SCN11A: variants seen among roughly 807,000 people sequenced by gnomAD.
The protein encoded by SCN11A is sodium voltage-gated channel alpha subunit 11, also known as sodium channel protein type 11 subunit alpha.
In SCN11A, 122 loss-of-function variants were observed where a neutral mutation model predicts 162.2. That is an observed-to-expected ratio of 0.75 (90% CI 0.65 to 0.87). SCN11A has a LOEUF of 0.87. Among genes scored for constraint, SCN11A ranks in the 40% least tolerant of loss-of-function variants. The pLI is 0.00. For synonymous variants in SCN11A, 758 were observed against 751.5 expected, an observed-to-expected ratio of 1.01 and a Z score of -0.14; for missense variants, 2,015 against 2,181.6, an observed-to-expected ratio of 0.92 and a Z score of 1.52.
Position 38,850,466 on chromosome 3 carries a change from G to C in SCN11A, c.4327+15C>G. 5.0e-6 allele frequency: 8 copies of C among 1,605,254 alleles called. No individual in the cohort carries two copies. The highest frequency in any genetic ancestry group is 6.8e-6 in the Non-Finnish European group (8 of 1,174,188). The stretch of plus-strand genomic sequence containing the variant: ...TCTGGTTCTTAAAGTCCCTCTGACT[G>C]CTGATTTTACTTACTAACAATGGAA... On this transcript the variant is annotated intron_variant, in intron 29 of 29. Coordinates refer to ENST00000302328, the MANE Select transcript of SCN11A (RefSeq NM_001349253.2).
At chr3:38,980,818 A>G (rs983703283) in intron 2 of SCN11A, among the ~76,000 whole-genome samples, 1 of 152,200 alleles carries the variant, frequency 6.6e-6, no homozygotes, top group Non-Finnish European at 1.5e-5. Context: ...CTTTTCCCCA[A>G]CATCATGCTA....
chr3:38,974,624 G>A (rs1410128968), intron 2 of SCN11A, among the ~76,000 whole-genome samples: 1 of 150,062 alleles, frequency 6.7e-6, no homozygotes, highest in Non-Finnish European at 1.5e-5. Flanking sequence ...GAACCTGGGA[G>A]GCGGAGGTTG....
intron 16 of SCN11A, among the ~76,000 whole-genome samples, chr3:38,901,137 C>A (rs543756821): frequency 2.2e-4 from 33 of 151,708 alleles, no homozygotes; most frequent in Non-Finnish European, 3.8e-4. Context: ...CGACTAAATT[C>A]GATTATTAAA....
In SCN11A at chr3:38,946,886, T is replaced by C; in HGVS notation, c.289A>G (p.Lys97Glu). 3 of 1,612,586 alleles carry C rather than the reference T, an allele frequency of 1.9e-6. No individual in the cohort carries two copies. The highest frequency in any genetic ancestry group is 1.7e-4 in the Middle Eastern group (1 of 6,056). Reference sequence around the variant, plus strand: ...GCACTGAAGCGGTAGATTGTCCTCTTTCTGTTTAACACCATAAATGTCTGC... The same window carrying C: ...GCACTGAAGCGGTAGATTGTCCTCTCTCTGTTTAACACCATAAATGTCTGC... Reference protein sequence around the residue: ...NHKTFMVLNRKRTIYRFSAKH... With the variant: ...NHKTFMVLNRERTIYRFSAKH... Residue 97 changes from lysine (K) to glutamate (E), a missense_variant, in exon 6 of 30, where the codon AAG (lysine) becomes GAG (glutamate). By Grantham distance (56) the Lys-to-Glu change is moderately conservative. Coordinates refer to ENST00000302328, the MANE Select transcript of SCN11A (RefSeq NM_001349253.2).
chr3:38,994,932 C>T (rs1260365490), intron 2 of SCN11A, among the ~76,000 whole-genome samples: 2 of 152,052 alleles, frequency 1.3e-5, no homozygotes, highest in South Asian at 2.1e-4. Context: ...CCCACAAAGC[C>T]GTCAAGGGAA....
chr3:38,941,556 AAAAC>A (rs1357959156), intron 7 of SCN11A, among the ~76,000 whole-genome samples: 1 of 152,224 alleles, frequency 6.6e-6, no homozygotes, highest in African/African-American at 2.4e-5. Flanking sequence ...TATATGATAA[AAAAC>A]AAACAGGGGA....
At chr3:38,873,456 A>C (rs2065160187) in intron 23 of SCN11A, among the ~76,000 whole-genome samples, 2 of 152,204 alleles carry the variant, frequency 1.3e-5, no homozygotes, top group South Asian at 4.1e-4. Context: ...ATCAATTTAC[A>C]GTGTATTTAT....
At chr3:38,914,410 GA>G (rs1422050726) in intron 11 of SCN11A, among the ~76,000 whole-genome samples, 2 of 152,134 alleles carry the variant, frequency 1.3e-5, no homozygotes, top group Non-Finnish European at 2.9e-5. Flanking sequence ...GGGTTTTCTA[GA>G]TATAGATTCA....
intron 3 of SCN11A, among the ~76,000 whole-genome samples, chr3:38,954,417 T>C (rs1419752117): frequency 6.6e-5 from 10 of 152,226 alleles, no homozygotes. Flanking sequence ...CTGGACCCTA[T>C]GCTCAGTTAC....
At chr3:39,000,306 G>C (rs1343986540) in intron 2 of SCN11A, among the ~76,000 whole-genome samples, 2 of 152,102 alleles carry the variant, frequency 1.3e-5, no homozygotes, top group Non-Finnish European at 2.9e-5. Context: ...TTTGTGTCTG[G>C]GTTGGTGTGG....
chr3:38,987,973 C>G (rs570645483), intron 2 of SCN11A, among the ~76,000 whole-genome samples: 13 of 152,340 alleles, frequency 8.5e-5, no homozygotes. Context: ...GCCTCAGAAT[C>G]AAGCGTGAGG....
chr3:38,911,806 T>A (rs914928980), intron 11 of SCN11A, among the ~76,000 whole-genome samples: 4 of 152,202 alleles, frequency 2.6e-5, no homozygotes, highest in Non-Finnish European at 5.9e-5. Flanking sequence ...CACAACAAGC[T>A]GCTTTTTGTT....
At chr3:38,884,975 C>G (rs1238195059) in intron 21 of SCN11A, among the ~76,000 whole-genome samples, 2 of 152,210 alleles carry the variant, frequency 1.3e-5, no homozygotes, top group African/African-American at 2.4e-5. Flanking sequence ...CAAATACACC[C>G]TGACATTGAA....
intron 17 of SCN11A, among the ~76,000 whole-genome samples, chr3:38,899,127 C>A (rs1201434842): frequency 1.3e-5 from 2 of 152,056 alleles, no homozygotes; most frequent in African/African-American, 4.8e-5. Flanking sequence ...AGGTAAATAT[C>A]TTTGAAAGGG....
intron 2 of SCN11A, among the ~76,000 whole-genome samples, chr3:39,007,150 G>A (rs2031002257): frequency 6.6e-6 from 1 of 152,124 alleles, no homozygotes; most frequent in Non-Finnish European, 1.5e-5. Context: ...ATATCACTGG[G>A]AGATTTTAGA....
chr3:39,043,462 C>G (rs1339466426), intron 1 of SCN11A, among the ~76,000 whole-genome samples: 1 of 137,102 alleles, frequency 7.3e-6, no homozygotes, highest in East Asian at 2.1e-4. Flanking sequence ...GATACTTATA[C>G]ACAATGAAGT....
chr3:38,871,783 G>T, intron 24 of SCN11A, 75 bp from the exon 25 acceptor site: 2 of 1,218,036 alleles, frequency 1.6e-6, no homozygotes, highest in Non-Finnish European at 1.2e-6. Context: ...CTCAGCATGG[G>T]CCTGATGTGC....
intron 2 of SCN11A, among the ~76,000 whole-genome samples, chr3:39,015,143 A>G (rs924784386): frequency 6.6e-6 from 1 of 152,248 alleles, no homozygotes; most frequent in African/African-American, 2.4e-5. Context: ...AGATCAGGGC[A>G]CTAGGCCTCC....
At chr3:38,925,720 C>T (rs2066129943) in intron 8 of SCN11A, among the ~76,000 whole-genome samples, 1 of 152,230 alleles carries the variant, frequency 6.6e-6, no homozygotes, top group Admixed American at 6.5e-5. Context: ...TCTCAGTTCA[C>T]CTTCATACGT....
Sources: allele counts gnomAD v4.1 joint callset (sites outside exome capture counted in the v4.1 genomes callset), GRCh38; gene constraint gnomAD v4.1.1; transcripts MANE v1.5; gene names NCBI Gene and HGNC (gene_info 2026-07-23, HGNC 2026-07-21).